Variants in AHI1 observed in about 807,000 individuals in gnomAD.
AHI1 encodes jouberin.
Under a neutral mutation model 149.3 loss-of-function variants are expected in AHI1, and 123 were observed. The observed-to-expected ratio is 0.82, with a 90% CI of 0.71 to 0.96. AHI1 has a LOEUF of 0.96. AHI1 is among the 40% of genes least tolerant of loss of function. AHI1 has a pLI of 0.00. For missense variants in AHI1, 1,439 were observed against 1,422.7 expected, an observed-to-expected ratio of 1.01 and a Z score of -0.18; for synonymous variants, 475 against 459.8, an observed-to-expected ratio of 1.03 and a Z score of -0.42.
At chr6:135,487,109 G>C (rs1173920063) in intron 5 of AHI1, among the ~76,000 whole-genome samples, 1 of 151,986 alleles carries the variant, frequency 6.6e-6, no homozygotes, top group Non-Finnish European at 1.5e-5. Context: ...TTTTAAAATA[G>C]GAAGCTTAAA....
At chr6:135,415,224 T>A (rs1447811090) in intron 20 of AHI1, among the ~76,000 whole-genome samples, 2 of 152,116 alleles carry the variant, frequency 1.3e-5, no homozygotes, top group East Asian at 3.9e-4. Flanking sequence ...TGTTGGACAT[T>A]TGGGTTGGTT....
intron 23 of AHI1, among the ~76,000 whole-genome samples, chr6:135,383,043 A>T (rs1332056150): frequency 6.8e-6 from 1 of 148,062 alleles, no homozygotes; most frequent in Non-Finnish European, 1.5e-5. Flanking sequence ...CTGATGTGAA[A>T]TATGCGAAAA....
chr6:135,488,612 C>G (rs1168724221), intron 5 of AHI1, among the ~76,000 whole-genome samples: 1 of 152,174 alleles, frequency 6.6e-6, no homozygotes, highest in Non-Finnish European at 1.5e-5. Flanking sequence ...GCATGATTAA[C>G]ATGAGATTTA....
At chr6:135,490,781 G>T (rs1484419400) in intron 4 of AHI1, 34 bp from the exon 5 acceptor site, 1 of 1,608,034 alleles carries the variant, frequency 6.2e-7, no homozygotes, top group South Asian at 1.1e-5. Context: ...TTTTGTAAAT[G>T]ACTCTATCAT....
At chr6:135,327,740 C>A (rs188223736) in intron 24 of AHI1, among the ~76,000 whole-genome samples, 1 of 152,030 alleles carries the variant, frequency 6.6e-6, no homozygotes, top group Admixed American at 6.5e-5. Context: ...GTCCTTCCCC[C>A]CTCTACCCTG....
chr6:135,436,911 A>G (rs1251537331), intron 15 of AHI1, among the ~76,000 whole-genome samples: 3 of 152,170 alleles, frequency 2.0e-5, no homozygotes, highest in South Asian at 2.1e-4. Flanking sequence ...CCATTTGAGC[A>G]TATTTCTAAG....
intron 23 of AHI1, among the ~76,000 whole-genome samples, chr6:135,367,463 T>C (rs1242957683): frequency 2.0e-5 from 3 of 152,154 alleles, no homozygotes; most frequent in African/African-American, 7.2e-5. Flanking sequence ...TTCCAAACTT[T>C]TGGATTTCTC....
chr6:135,452,802 T>C (rs933869213), intron 11 of AHI1, among the ~76,000 whole-genome samples: 1 of 152,120 alleles, frequency 6.6e-6, no homozygotes, highest in South Asian at 2.1e-4. Context: ...ATCAGGGTTT[T>C]TGCATATATT....
chr6:135,451,110 G>A (rs1043836448), intron 11 of AHI1, among the ~76,000 whole-genome samples: 11 of 151,660 alleles, frequency 7.3e-5, no homozygotes, highest in Non-Finnish European at 1.0e-4. Context: ...AATCCTCCCC[G>A]CTCAGCCTCC....
rs1320723051 is a variant in AHI1, at chr6:135,455,837, T to A, written c.1241A>T (p.Lys414Ile). 1 of 1,599,990 alleles carries A rather than the reference T, an allele frequency of 6.3e-7. No homozygotes were observed. Among genetic ancestry groups the A allele is most frequent in the Non-Finnish European group, 8.5e-7 (1 of 1,171,902 alleles). ...MTQPYDFKQL[K>I]SRLPEWEEQI... is the part of the protein sequence containing the mutation. ...TTCTTCCCACTCTGGAAGTCTTGAT[T>A]TTAACTGTTTAAAATCATATGGCTG... Residue 414 changes from lysine (K) to isoleucine (I), a missense_variant, in exon 10 of 29, where the codon AAA becomes ATA. Physicochemically the swap from Lys to Ile is moderately radical, Grantham distance 102. Coordinates refer to ENST00000265602, the MANE Select transcript of AHI1 (RefSeq NM_001134831.2).
rs149761689 is a variant in AHI1, at chr6:135,416,196, G to C, written c.2765-4652C>G. Among the ~76,000 whole-genome samples the C allele has an allele frequency of 4.7e-3, 712 of 152,010 alleles. 11 individuals are homozygous for C. Among genetic ancestry groups the C allele is most frequent in the African/African-American group, 0.016 (647 of 41,490 alleles). On this transcript the variant is annotated intron_variant, in intron 20 of 28. Transcript: ENST00000265602. ...AAATGACAAAATTGTAATGAAAGGG[G>C]TAATTAATCTTACTATGCAGAGTTC...
At chr6:135,458,636 T>C (rs1789359536) in intron 8 of AHI1, among the ~76,000 whole-genome samples, 1 of 152,136 alleles carries the variant, frequency 6.6e-6, no homozygotes, top group Admixed American at 6.6e-5. Context: ...ATAATCCAGG[T>C]GTGATTTCTG....
intron 22 of AHI1, among the ~76,000 whole-genome samples, chr6:135,397,563 GT>G (rs1779395256): frequency 6.6e-6 from 1 of 151,996 alleles, no homozygotes; most frequent in Non-Finnish European, 1.5e-5. Flanking sequence ...TCATAAAACT[GT>G]TTTGCCTACT....
At chr6:135,316,309 A>G (rs189111290) in intron 26 of AHI1, among the ~76,000 whole-genome samples, 18 of 152,276 alleles carry the variant, frequency 1.2e-4, no homozygotes, top group Non-Finnish European at 2.1e-4. Flanking sequence ...ATTCATGGAC[A>G]CCAGACCTCC....
intron 8 of AHI1, among the ~76,000 whole-genome samples, chr6:135,458,047 T>C (rs564959027): frequency 6.6e-6 from 1 of 152,292 alleles, no homozygotes; most frequent in South Asian, 2.1e-4. Flanking sequence ...AATTTCTAAT[T>C]CTGGGTGGGA....
intron 5 of AHI1, among the ~76,000 whole-genome samples, chr6:135,489,198 T>C (rs766886457): frequency 2.5e-4 from 38 of 152,318 alleles, no homozygotes; most frequent in Non-Finnish European, 5.3e-4. Flanking sequence ...GTTCCTAGTG[T>C]ACTTATTTCT....
chr6:135,472,639 C>A (rs185868236), intron 5 of AHI1, among the ~76,000 whole-genome samples: 1 of 152,280 alleles, frequency 6.6e-6, no homozygotes, highest in Admixed American at 6.5e-5. Context: ...CAGTTACTTA[C>A]CATCCTTGTT....
intron 23 of AHI1, among the ~76,000 whole-genome samples, chr6:135,381,822 C>A (rs1490794423): frequency 6.6e-6 from 1 of 152,192 alleles, no homozygotes; most frequent in East Asian, 1.9e-4. Context: ...TGGAAAGCCT[C>A]TGAGGGCTTT....
intron 24 of AHI1, among the ~76,000 whole-genome samples, chr6:135,335,780 T>C (rs569576043): frequency 1.6e-4 from 24 of 152,228 alleles, no homozygotes; most frequent in African/African-American, 5.1e-4. Flanking sequence ...GTAAATAACA[T>C]CCTACTCATG....
Sources: gnomAD v4.1 joint callset for allele counts (sites outside exome capture counted in the v4.1 genomes callset) on GRCh38, gnomAD v4.1.1 for gene constraint, MANE v1.5 for transcripts, NCBI Gene and HGNC (gene_info 2026-07-23, HGNC 2026-07-21) for gene names.